The following MIPOL1 variants were observed in gnomAD, a reference collection of about 807,000 sequenced individuals.
MIPOL1 encodes mirror-image polydactyly 1, also known as mirror-image polydactyly gene 1 protein.
Under a neutral mutation model 60.9 loss-of-function variants are expected in MIPOL1, and 57 were observed. The ratio of observed to expected loss-of-function variants is 0.94; its 90% CI spans 0.76 to 1.17. The LOEUF (loss-of-function observed/expected upper bound fraction) is 1.17, where lower values mean the gene tolerates loss of function less well. Among genes scored for constraint, MIPOL1 ranks in the 50% most tolerant of loss-of-function variants. The pLI, the probability that MIPOL1 is intolerant of heterozygous loss-of-function variation, is 0.00. For missense variants in MIPOL1, 551 were observed against 511.6 expected (o/e 1.08, Z -0.74); for synonymous variants, 179 against 168.8 (o/e 1.06, Z -0.47).
chr14:37,223,326 C>A (rs984619467), intron 1 of MIPOL1, among the ~76,000 whole-genome samples: 3 of 151,972 alleles, frequency 2.0e-5, no homozygotes, highest in African/African-American at 7.3e-5. Flanking sequence ...AGCCACCGTG[C>A]CTGGCCTGGT....
intron 9 of MIPOL1, among the ~76,000 whole-genome samples, chr14:37,310,002 A>G (rs898422862): frequency 2.0e-5 from 3 of 151,918 alleles, no homozygotes; most frequent in East Asian, 1.9e-4. Flanking sequence ...GCTTATTTCT[A>G]TCAATCTTAC....
intron 3 of MIPOL1, among the ~76,000 whole-genome samples, chr14:37,262,129 C>A (rs2082554528): frequency 6.6e-6 from 1 of 151,754 alleles, no homozygotes; most frequent in African/African-American, 2.4e-5. Context: ...GAAAGCTAAC[C>A]CTCTATTCCA....
At chr14:37,257,558 G>T (rs552138743) in intron 3 of MIPOL1, among the ~76,000 whole-genome samples, 1 of 152,210 alleles carries the variant, frequency 6.6e-6, no homozygotes, top group South Asian at 2.1e-4. Context: ...CCAAAGGCAG[G>T]TTTCATTTGG....
At chr14:37,451,913 C>T (rs1272879960) in intron 11 of MIPOL1, among the ~76,000 whole-genome samples, 1 of 147,000 alleles carries the variant, frequency 6.8e-6, no homozygotes, top group Non-Finnish European at 1.5e-5. Flanking sequence ...CTCCCGGGTT[C>T]ACGCCATTCT....
At chr14:37,394,099 C>CAT (rs1295707341) in intron 10 of MIPOL1, among the ~76,000 whole-genome samples, 12 of 81,046 alleles carry the variant, frequency 1.5e-4, no homozygotes, top group Non-Finnish European at 2.8e-4. Context: ...CATGTTCTAT[C>CAT]ATATATATAT....
Position 37,459,406 on chromosome 14 carries a change from G to C in MIPOL1, c.1031+36457G>C, listed in dbSNP as rs566023720. On this transcript the variant is annotated intron_variant, in intron 11 of 12. Transcript: ENST00000684589. ...TGAGTGCCTCTGTGCACACAAACTA[G>C]AAAACCTAGAGGAAATGGATATATT... Among the ~76,000 whole-genome samples, 10 of 152,242 alleles carry C rather than the reference G, an allele frequency of 6.6e-5. No homozygotes were observed. The East Asian group carries it at 1.7e-3, about 26-fold the overall frequency.
intron 10 of MIPOL1, among the ~76,000 whole-genome samples, chr14:37,389,928 C>T (rs184102430): frequency 1.5e-3 from 234 of 151,898 alleles, no homozygotes; most frequent in South Asian, 5.4e-3. Context: ...AGGCTGGGCA[C>T]GGTGGCTCAC....
chr14:37,315,827 A>G (rs1169418922), intron 9 of MIPOL1, among the ~76,000 whole-genome samples: 2 of 152,058 alleles, frequency 1.3e-5, no homozygotes, highest in Admixed American at 6.6e-5. Flanking sequence ...GTGGGACTAG[A>G]TGAAACTGGG....
intron 6 of MIPOL1, chr14:37,278,499 G>C (rs191917451): frequency 2.0e-5 from 3 of 151,660 alleles, no homozygotes; most frequent in Non-Finnish European, 3.0e-5. Flanking sequence ...GTAAAGTCTG[G>C]TCTTTTACAA....
intron 11 of MIPOL1, among the ~76,000 whole-genome samples, chr14:37,485,658 G>A (rs2094936036): frequency 6.6e-6 from 1 of 152,038 alleles, no homozygotes; most frequent in South Asian, 2.1e-4. Flanking sequence ...CATATCCTTT[G>A]CCCACTTTTT....
At position 37,379,468 on chromosome 14, in the gene MIPOL1, C is replaced by T. The variant is rs901689344; in HGVS notation, c.936+9844C>T. Among the ~76,000 whole-genome samples the T allele has an allele frequency of 7.2e-5, 11 of 151,942 alleles. No homozygotes were observed. The East Asian group carries it at 1.7e-3, about 24-fold the overall frequency. On this transcript the variant is annotated intron_variant, in intron 10 of 12. Transcript: ENST00000684589. ...ACAACTAAAAAACAGTTAAGCTGGG[C>T]CTAATAAAAATATAAAACTTCTGTG... is the stretch of plus-strand genomic sequence containing the variant.
At chr14:37,439,151 G>A (rs746127751) in intron 11 of MIPOL1, among the ~76,000 whole-genome samples, 20 of 152,240 alleles carry the variant, frequency 1.3e-4, no homozygotes, top group Admixed American at 2.6e-4. Flanking sequence ...ATGAACATAC[G>A]TTACTATGTG....
At chr14:37,343,629 A>G (rs1473633933) in intron 9 of MIPOL1, among the ~76,000 whole-genome samples, 1 of 152,214 alleles carries the variant, frequency 6.6e-6, no homozygotes, top group Non-Finnish European at 1.5e-5. Context: ...AGCAGCTATT[A>G]AAAACTTAGA....
At chr14:37,516,369 C>G (rs1176980976) in intron 12 of MIPOL1, among the ~76,000 whole-genome samples, 3 of 151,980 alleles carry the variant, frequency 2.0e-5, no homozygotes, top group Non-Finnish European at 4.4e-5. Flanking sequence ...GAAATAGAGG[C>G]CAAAATTAGA....
At chr14:37,351,932 T>G (rs75825728) in intron 9 of MIPOL1, among the ~76,000 whole-genome samples, 505 of 150,274 alleles carry the variant, frequency 3.4e-3, no homozygotes, top group South Asian at 4.5e-3. Context: ...GTCAATTTTG[T>G]CTTTTGTTGC....
Position 37,435,091 on chromosome 14 carries a change from G to A in MIPOL1, c.1031+12142G>A, listed in dbSNP as rs1794093913. On this transcript the variant is annotated intron_variant, in intron 11 of 12. Transcript: ENST00000684589. ...TAAAGTCATCTTCCTCAACCCTGTA[G>A]GTATTTAATTTTATGACCCCAGATG... is the stretch of plus-strand genomic sequence containing the variant. 3.9e-5 allele frequency among the ~76,000 whole-genome samples: 6 copies of A among 151,968 alleles called. No individual in the cohort carries two copies. In the South Asian group the frequency reaches 6.2e-4, roughly 16 times the overall value.
intron 9 of MIPOL1, among the ~76,000 whole-genome samples, chr14:37,368,278 A>C (rs532715519): frequency 5.9e-5 from 9 of 152,216 alleles, no homozygotes; most frequent in African/African-American, 2.2e-4. Flanking sequence ...TCAATTTCAT[A>C]TTTGTACACA....
intron 11 of MIPOL1, among the ~76,000 whole-genome samples, chr14:37,460,272 C>T (rs2153581324): frequency 1.3e-5 from 2 of 152,102 alleles, no homozygotes; most frequent in South Asian, 4.2e-4. Flanking sequence ...ACCTTATGAT[C>T]ATCTCAATAG....
chr14:37,389,267 A>G (rs1034997076), intron 10 of MIPOL1, among the ~76,000 whole-genome samples: 1 of 152,146 alleles, frequency 6.6e-6, no homozygotes, highest in African/African-American at 2.4e-5. Flanking sequence ...CTGTAATAAT[A>G]TGTCTTCTTC....
Sources: allele counts gnomAD v4.1 joint callset (sites outside exome capture counted in the v4.1 genomes callset), GRCh38; gene constraint gnomAD v4.1.1; transcripts MANE v1.5; gene names NCBI Gene and HGNC (gene_info 2026-07-23, HGNC 2026-07-21).